Variants in ZNF354B observed in about 807,000 individuals in gnomAD.
ZNF354B encodes zinc finger protein 354B.
Under a neutral mutation model 12.9 loss-of-function variants are expected in ZNF354B, and 10 were observed. The observed-to-expected ratio is 0.77, with a 90% CI of 0.48 to 1.31. ZNF354B has a LOEUF of 1.31. Among genes scored for constraint, ZNF354B ranks in the 40% most tolerant of loss-of-function variants. ZNF354B has a pLI of 0.00. For synonymous variants in ZNF354B, 260 were observed against 243.7 expected (o/e 1.07, Z -0.62); for missense variants, 614 against 711.7 (o/e 0.86, Z 1.56).
intron 4 of ZNF354B, among the ~76,000 whole-genome samples, chr5:178,877,631 G>A (rs982141952): frequency 6.6e-6 from 1 of 152,304 alleles, no homozygotes; most frequent in East Asian, 1.9e-4. Context: ...ATTCAAAGCA[G>A]TAATTTGCAG....
chr5:178,860,867 G>C, intron 1 of ZNF354B, 130 bp from the exon 2 acceptor site: 1 of 477,712 alleles, frequency 2.1e-6, no homozygotes, highest in South Asian at 2.1e-5. Flanking sequence ...TGGTCCGCGG[G>C]CTCCTGGCTC....
chr5:178,877,998 G>A (rs1372495928), intron 4 of ZNF354B, among the ~76,000 whole-genome samples: 1 of 152,178 alleles, frequency 6.6e-6, no homozygotes, highest in Non-Finnish European at 1.5e-5. Context: ...CTGTCTTTAA[G>A]TATGTAAGTA....
chr5:178,868,869 G>C (rs1299025819), intron 4 of ZNF354B, among the ~76,000 whole-genome samples: 1 of 151,882 alleles, frequency 6.6e-6, no homozygotes, highest in Non-Finnish European at 1.5e-5. Flanking sequence ...CTACTCGGGA[G>C]ACTGAGGCAG....
At chr5:178,864,708 C>T (rs182669845) in intron 2 of ZNF354B, among the ~76,000 whole-genome samples, 14 of 151,564 alleles carry the variant, frequency 9.2e-5, no homozygotes, top group Non-Finnish European at 1.8e-4. Flanking sequence ...CTGCAAGTTC[C>T]GCCTCCTGGG....
chr5:178,867,001 C>G lies in ZNF354B; in HGVS notation c.186C>G (p.Val62=), dbSNP rs1132334. The change falls in exon 4 of 5, where the codon GTC becomes GTG. Residue 62 remains valine (V), a synonymous_variant. Coordinates refer to ENST00000322434, the MANE Select transcript of ZNF354B (RefSeq NM_058230.3). ...GACTCTCATTTACCAAACCAAAAGT[C>G]ATCTCCCTGTTGCAGCAAGGAGAAG... ...SLGLSFTKPK[V]ISLLQQGEDP... is the part of the protein sequence containing the mutation. The G allele has an allele frequency of 3.1e-6, 5 of 1,614,034 alleles. No individual in the cohort carries two copies. The South Asian group carries it at 4.4e-5, about 14-fold the overall frequency.
chr5:178,867,932 G>C (rs142934510), intron 4 of ZNF354B, among the ~76,000 whole-genome samples: 1 of 152,304 alleles, frequency 6.6e-6, no homozygotes, highest in African/African-American at 2.4e-5. Flanking sequence ...GTCACTTTGG[G>C]AGTATCGTGA....
At chr5:178,874,619 G>A (rs1441684491) in intron 4 of ZNF354B, among the ~76,000 whole-genome samples, 1 of 152,030 alleles carries the variant, frequency 6.6e-6, no homozygotes, top group Admixed American at 6.5e-5. Context: ...TGGCCATTTT[G>A]TCTATCACCT....
At chr5:178,860,335 G>A (rs1176845197) in intron 1 of ZNF354B, among the ~76,000 whole-genome samples, 2 of 140,922 alleles carry the variant, frequency 1.4e-5, no homozygotes, top group African/African-American at 2.5e-5. Flanking sequence ...GCCGCCCGCC[G>A]TGAACGCGGG....
chr5:178,864,602 A>G (rs945749877), intron 2 of ZNF354B, among the ~76,000 whole-genome samples: 6 of 152,044 alleles, frequency 3.9e-5, no homozygotes, highest in African/African-American at 1.4e-4. Context: ...GAATGTTTCA[A>G]TAGTTTTTTA....
At chr5:178,876,188 A>G (rs1757635212) in intron 4 of ZNF354B, among the ~76,000 whole-genome samples, 1 of 152,236 alleles carries the variant, frequency 6.6e-6, no homozygotes, top group Non-Finnish European at 1.5e-5. Flanking sequence ...GCCACCTCCA[A>G]CTGAAGCATT....
intron 4 of ZNF354B, among the ~76,000 whole-genome samples, chr5:178,875,519 G>A (rs1456241230): frequency 1.3e-5 from 2 of 152,258 alleles, no homozygotes; most frequent in African/African-American, 4.8e-5. Context: ...AAGTACTCAG[G>A]GTTTTTGTTC....
chr5:178,864,114 A>G (rs540439178), intron 2 of ZNF354B, among the ~76,000 whole-genome samples: 1 of 152,368 alleles, frequency 6.6e-6, no homozygotes, highest in African/African-American at 2.4e-5. Flanking sequence ...TAAAATGTCT[A>G]CAGTCATGCA....
intron 4 of ZNF354B, among the ~76,000 whole-genome samples, chr5:178,868,642 T>C (rs1205265169): frequency 1.3e-5 from 2 of 152,086 alleles, no homozygotes; most frequent in Non-Finnish European, 2.9e-5. Context: ...TGGAAGGGCC[T>C]GGGATCAAAG....
In ZNF354B at chr5:178,861,672, G is replaced by A. The variant is rs928699779; in HGVS notation, c.33+592G>A. Among the ~76,000 whole-genome samples the A allele has an allele frequency of 1.3e-3, 179 of 142,526 alleles. 1 individual carries two copies. Among genetic ancestry groups the A allele is most frequent in the South Asian group, 6.6e-4 (3 of 4,568 alleles). The allele number at this position is 142,526 out of a possible 152,430, so 93.5% of individuals were successfully genotyped here. On this transcript the variant is annotated intron_variant, in intron 2 of 4. Transcript: ENST00000322434. ...GTCGCTTGACTCGCAGGACACAGAA[G>A]ACCCCTCAGCTAGCGGCAGGAAGGG...
At chr5:178,871,200 C>G (rs1445632851) in intron 4 of ZNF354B, among the ~76,000 whole-genome samples, 2 of 152,170 alleles carry the variant, frequency 1.3e-5, no homozygotes, top group African/African-American at 4.8e-5. Context: ...ATGGTCTGGC[C>G]CTGGCTACCT....
rs145421371 is a variant in ZNF354B at position 178,883,723 on chromosome 5, G to A, written c.1271G>A (p.Arg424Gln). ...ECGKGFTSIS[R>Q]LNRHRIIHTG... is the part of the protein sequence containing the mutation. ...GGGAAAGGCTTTACTTCTATTTCAC[G>A]ACTTAATAGACACCGAATAATTCAT... Residue 424 changes from arginine to glutamine, a missense_variant, in exon 5 of 5, where the codon CGA becomes CAA. Coordinates refer to ENST00000322434, the MANE Select transcript of ZNF354B (RefSeq NM_058230.3). 6.8e-6 allele frequency: 11 copies of A among 1,614,044 alleles called. No homozygotes were observed. The highest frequency in any genetic ancestry group is 1.1e-5 in the South Asian group (1 of 91,060).
chr5:178,862,686 G>T (rs140216438), intron 2 of ZNF354B, among the ~76,000 whole-genome samples: 2 of 152,208 alleles, frequency 1.3e-5, no homozygotes, highest in East Asian at 3.9e-4. Context: ...TTTTAAACTA[G>T]CCAAGACAGT....
chr5:178,876,050 G>T (rs1469148823), intron 4 of ZNF354B, among the ~76,000 whole-genome samples: 2 of 152,200 alleles, frequency 1.3e-5, no homozygotes, highest in African/African-American at 4.8e-5. Context: ...TGTACTAGAG[G>T]TACCAGTGTA....
At chr5:178,876,801 C>T (rs1757644274) in intron 4 of ZNF354B, among the ~76,000 whole-genome samples, 1 of 151,902 alleles carries the variant, frequency 6.6e-6, no homozygotes, top group African/African-American at 2.4e-5. Flanking sequence ...TTCATATTTC[C>T]CTCTAGCTCT....
Sources: allele counts gnomAD v4.1 joint callset (sites outside exome capture counted in the v4.1 genomes callset), GRCh38; gene constraint gnomAD v4.1.1; transcripts MANE v1.5; gene names NCBI Gene and HGNC (gene_info 2026-07-23, HGNC 2026-07-21).